The following PPIP5K2 variants were observed in gnomAD, a reference collection of about 807,000 sequenced individuals.
PPIP5K2 encodes the protein inositol hexakisphosphate and diphosphoinositol-pentakisphosphate kinase 2.
PPIP5K2 carries 105 observed loss-of-function variants against 154.6 expected under a neutral mutation model. That is an observed-to-expected ratio of 0.68 (90% CI 0.58 to 0.80). The LOEUF is 0.80. Among genes scored for constraint, PPIP5K2 ranks in the 30% least tolerant of loss-of-function variants. The pLI is 0.00. For missense variants in PPIP5K2, 992 were observed against 1,504.6 expected (o/e 0.66, Z 5.64); for synonymous variants, 480 against 490.3 (o/e 0.98, Z 0.28).
rs75264918 is a variant in PPIP5K2, at chr5:103,138,109, T to A, written c.402-275T>A. Among the ~76,000 whole-genome samples, 589 of 152,308 alleles carry A rather than the reference T, an allele frequency of 3.9e-3. 2 individuals carry two copies. Among genetic ancestry groups the A allele is most frequent in the African/African-American group, 0.013 (554 of 41,578 alleles). On this transcript the variant is annotated intron_variant, in intron 4 of 30. Coordinates refer to ENST00000358359, the MANE Select transcript of PPIP5K2 (RefSeq NM_001276277.3). The stretch of plus-strand genomic sequence containing the variant: ...AATATCAACTTTATTCAGCCATTTT[T>A]AAAATACATTTATGTTCTCAGTTTT...
At chr5:103,138,524 C>A in intron 5 of PPIP5K2, 55 bp downstream of exon 5, 3 of 1,142,846 alleles carry the variant, frequency 2.6e-6, no homozygotes, top group Non-Finnish European at 3.9e-6. Flanking sequence ...TACTTTTGGG[C>A]CACATTCTTA....
At chr5:103,165,350 C>G (rs1265766584) in intron 17 of PPIP5K2, among the ~76,000 whole-genome samples, 2 of 152,048 alleles carry the variant, frequency 1.3e-5, no homozygotes, top group African/African-American at 4.8e-5. Flanking sequence ...AAAAACTTAA[C>G]TACCAAGTTA....
intron 17 of PPIP5K2, among the ~76,000 whole-genome samples, chr5:103,162,422 G>A (rs1344638585): frequency 6.6e-6 from 1 of 151,410 alleles, no homozygotes; most frequent in South Asian, 2.1e-4. Context: ...GAGTGCAGTG[G>A]TGTGATCATA....
At chr5:103,137,644 A>ATT (rs1791766738) in intron 4 of PPIP5K2, among the ~76,000 whole-genome samples, 1 of 152,164 alleles carries the variant, frequency 6.6e-6, no homozygotes, top group Non-Finnish European at 1.5e-5. Flanking sequence ...TCTCACCAGC[A>ATT]TTCTATTTTC....
In PPIP5K2 at chr5:103,184,303, T is replaced by C. The variant is rs1441522297; in HGVS notation, c.3097-369T>C. ...TGTATGGTGATCTCAAGAGTCTCTG[T>C]CTGTCCTTTCTTTTGTTTGTAGTTG... On this transcript the variant is annotated intron_variant, in intron 25 of 30. Transcript: ENST00000358359. 2.3e-5 allele frequency: 4 copies of C among 172,978 alleles called. No homozygotes were observed. In the East Asian group the frequency reaches 6.6e-4, roughly 29 times the overall value. The allele number at this position is 172,978 out of a possible 1,614,324, so 10.7% of individuals were successfully genotyped here. A position where few individuals can be genotyped will look rare whatever the true frequency, so the allele number is the denominator to read the frequency against.
At chr5:103,164,615 C>CT (rs1796855939) in intron 17 of PPIP5K2, among the ~76,000 whole-genome samples, 1 of 151,922 alleles carries the variant, frequency 6.6e-6, no homozygotes, top group African/African-American at 2.4e-5. Context: ...GATCACTGAC[C>CT]TTTGAGTTTT....
intron 1 of PPIP5K2, among the ~76,000 whole-genome samples, chr5:103,122,138 A>T (rs184600725): frequency 1.3e-5 from 2 of 152,328 alleles, no homozygotes; most frequent in African/African-American, 4.8e-5. Context: ...AATGTTGGCA[A>T]TTGTGAGTAT....
intron 19 of PPIP5K2, among the ~76,000 whole-genome samples, chr5:103,169,157 A>G (rs1797567868): frequency 6.6e-6 from 1 of 151,882 alleles, no homozygotes; most frequent in African/African-American, 2.4e-5. Context: ...TAAGCAGAGA[A>G]TTGGATTGAT....
chr5:103,182,168 G>C (rs17155117), intron 24 of PPIP5K2, among the ~76,000 whole-genome samples: 3,686 of 152,134 alleles, frequency 0.024, 159 homozygotes, highest in African/African-American at 0.084. Context: ...GCAATCTATA[G>C]TTCATCAAAT....
rs1554202070 is a variant in PPIP5K2, at chr5:103,129,708, G to T, written c.114+5G>T. On this transcript the variant is annotated splice_donor_5th_base_variant and intron_variant, in intron 2 of 30. Coordinates refer to ENST00000358359, the MANE Select transcript of PPIP5K2 (RefSeq NM_001276277.3). ...GATGAGGAGGAAGATGATTCTGTAA[G>T]TTGTTTGTTTTTCCTTTGGCGAGAG... 8 of 1,594,432 alleles carry T rather than the reference G, an allele frequency of 5.0e-6. No individual in the cohort carries two copies. Among genetic ancestry groups the T allele is most frequent in the Non-Finnish European group, 6.0e-6 (7 of 1,173,960 alleles).
At chr5:103,152,135 T>G (rs1209171318) in intron 9 of PPIP5K2, among the ~76,000 whole-genome samples, 8 of 151,894 alleles carry the variant, frequency 5.3e-5, no homozygotes, top group Non-Finnish European at 5.9e-5. Context: ...AAACTTACCC[T>G]TAAAGTGATG....
rs1554232197 is a variant in PPIP5K2 at position 103,206,151 on chromosome 5, A to C, written c.*4517A>C. 6 of 152,216 alleles carry C rather than the reference A, an allele frequency of 3.9e-5. No individual in the cohort carries two copies. In the South Asian group the frequency reaches 1.2e-3, roughly 31 times the overall value. 9.4% of individuals were successfully genotyped at this position (152,216 alleles called of 1,614,324 possible). A position where few individuals can be genotyped will look rare whatever the true frequency, so the allele number is the denominator to read the frequency against. ...AAATCATCAGAAAATGTATTATTAC[A>C]CATTTCTGAAGGTCCAAAGGTGGGG... is the stretch of plus-strand genomic sequence containing the variant. On this transcript the variant is annotated 3_prime_UTR_variant, in exon 31 of 31. Coordinates refer to ENST00000358359, the MANE Select transcript of PPIP5K2 (RefSeq NM_001276277.3).
At chr5:103,163,010 A>C (rs1796561965) in intron 17 of PPIP5K2, among the ~76,000 whole-genome samples, 1 of 148,510 alleles carries the variant, frequency 6.7e-6, no homozygotes, top group Admixed American at 6.8e-5. Context: ...CTGTTTCTGG[A>C]CCCTGTATTC....
At chr5:103,169,003 C>T (rs1339511372) in intron 19 of PPIP5K2, among the ~76,000 whole-genome samples, 1 of 151,624 alleles carries the variant, frequency 6.6e-6, no homozygotes, top group Non-Finnish European at 1.5e-5. Context: ...TTTTGCAAGT[C>T]TTTTTACTTT....
Position 103,203,401 on chromosome 5 carries a change from C to G in PPIP5K2, c.*1767C>G, listed in dbSNP as rs530473969. ...ACAACTAACTTTTTCCATTGTTATG[C>G]AAGAACTATTACTTTCCTGTAGTCA... is the stretch of plus-strand genomic sequence containing the variant. On this transcript the variant is annotated 3_prime_UTR_variant, in exon 31 of 31. Coordinates refer to ENST00000358359, the MANE Select transcript of PPIP5K2 (RefSeq NM_001276277.3). The G allele has an allele frequency of 6.6e-6, 1 of 152,208 alleles. No homozygotes were observed. The highest frequency in any genetic ancestry group is 2.1e-4 in the South Asian group (1 of 4,826). 9.4% of individuals were successfully genotyped at this position (152,208 alleles called of 1,614,324 possible).
intron 30 of PPIP5K2, among the ~76,000 whole-genome samples, chr5:103,196,154 AT>A (rs1341197745): frequency 2.6e-5 from 4 of 152,054 alleles, no homozygotes. Flanking sequence ...CATTCATGCC[AT>A]TTTTTTCTAT....
At chr5:103,145,782 C>CAGGT (rs58183132) in intron 5 of PPIP5K2, among the ~76,000 whole-genome samples, 1 of 151,432 alleles carries the variant, frequency 6.6e-6, no homozygotes, top group African/African-American at 2.4e-5. Context: ...TATAGCAACA[C>CAGGT]AGATAGAATA....
chr5:103,122,291 G>T (rs1788903857), intron 1 of PPIP5K2, among the ~76,000 whole-genome samples: 1 of 152,206 alleles, frequency 6.6e-6, no homozygotes, highest in African/African-American at 2.4e-5. Context: ...AAATGCTGCG[G>T]AACATAGAAG....
At chr5:103,142,019 C>T (rs577696211) in intron 5 of PPIP5K2, among the ~76,000 whole-genome samples, 6 of 152,242 alleles carry the variant, frequency 3.9e-5, no homozygotes, top group African/African-American at 9.6e-5. Flanking sequence ...CTGCCAGTCA[C>T]GCGCCGTGTG....
Sources: gnomAD v4.1 joint callset for allele counts (sites outside exome capture counted in the v4.1 genomes callset) on GRCh38, gnomAD v4.1.1 for gene constraint, MANE v1.5 for transcripts, NCBI Gene and HGNC (gene_info 2026-07-23, HGNC 2026-07-21) for gene names.